EPHB1: variants seen among roughly 807,000 people sequenced by gnomAD.
EPHB1 encodes the protein ephrin type-B receptor 1.
Under a neutral mutation model 94.4 loss-of-function variants are expected in EPHB1, and 30 were observed. The ratio of observed to expected loss-of-function variants is 0.32; its 90% CI spans 0.24 to 0.43. The LOEUF (loss-of-function observed/expected upper bound fraction) is 0.43, where lower values mean the gene tolerates loss of function less well. Ranked by LOEUF, EPHB1 falls within the 20% of genes least tolerant of loss-of-function variation. The pLI is 1.00. For missense variants in EPHB1, 1,055 were observed against 1,308.3 expected, an observed-to-expected ratio of 0.81 and a Z score of 2.99; for synonymous variants, 522 against 489.1, an observed-to-expected ratio of 1.07 and a Z score of -0.89.
At chr3:135,227,083 G>A (rs1010151783) in intron 12 of EPHB1, among the ~76,000 whole-genome samples, 1 of 151,990 alleles carries the variant, frequency 6.6e-6, no homozygotes, top group Non-Finnish European at 1.5e-5. Context: ...CACTATTTGG[G>A]TCCAATATAC....
chr3:134,855,699 A>C (rs772814455), intron 1 of EPHB1, among the ~76,000 whole-genome samples: 4 of 152,068 alleles, frequency 2.6e-5, no homozygotes, highest in Non-Finnish European at 5.9e-5. Context: ...TTTCCTTCCC[A>C]TAGTCCTTCC....
rs1356222856 is a variant in EPHB1, at chr3:135,174,057, C to A, written c.1760-5803C>A. 3.9e-5 allele frequency among the ~76,000 whole-genome samples: 6 copies of A among 152,166 alleles called. No homozygotes were observed. The East Asian group carries it at 5.8e-4, about 15-fold the overall frequency. The stretch of plus-strand genomic sequence containing the variant: ...TCCGGTTGAAAACTGTTATCTTACA[C>A]CTGAATTTGTATTACATAACAACCT... On this transcript the variant is annotated intron_variant, in intron 9 of 15. Transcript: ENST00000398015.
intron 3 of EPHB1, among the ~76,000 whole-genome samples, chr3:135,045,120 C>T (rs1368030512): frequency 6.6e-6 from 1 of 152,102 alleles, no homozygotes; most frequent in African/African-American, 2.4e-5. Flanking sequence ...TTAGAGATGC[C>T]ATTGCCTGTT....
chr3:134,949,256 C>T (rs1252697974), intron 2 of EPHB1, among the ~76,000 whole-genome samples: 1 of 152,142 alleles, frequency 6.6e-6, no homozygotes, highest in Admixed American at 6.5e-5. Flanking sequence ...AGGGAACTGG[C>T]ACTCTAGGAG....
At chr3:135,233,214 G>A (rs1943572466) in intron 12 of EPHB1, among the ~76,000 whole-genome samples, 1 of 152,218 alleles carries the variant, frequency 6.6e-6, no homozygotes, top group African/African-American at 2.4e-5. Flanking sequence ...CTATGAGCCT[G>A]TAAAATCAAA....
chr3:135,190,542 GACATATATACATACATCC>G (rs1942428116), intron 10 of EPHB1, among the ~76,000 whole-genome samples: 2 of 97,134 alleles, frequency 2.1e-5, no homozygotes, highest in African/African-American at 4.0e-5. Context: ...CATATATCTA[GACATATATACATACATCC>G]ACATATACAC....
intron 3 of EPHB1, among the ~76,000 whole-genome samples, chr3:135,030,879 C>T (rs866970231): frequency 2.6e-5 from 4 of 152,210 alleles, no homozygotes; most frequent in Non-Finnish European, 5.9e-5. Context: ...CAGCGAGACT[C>T]CTTGGAGTAG....
chr3:135,179,777 C>T (rs1942102617), intron 9 of EPHB1, 83 bp from the exon 10 acceptor site: 8 of 1,548,610 alleles, frequency 5.2e-6, no homozygotes, highest in Non-Finnish European at 3.5e-6. Flanking sequence ...CCAGGAATGC[C>T]CTTAGTGCTG....
intron 5 of EPHB1, among the ~76,000 whole-genome samples, chr3:135,138,165 C>G (rs996919281): frequency 6.6e-6 from 1 of 152,264 alleles, no homozygotes; most frequent in Non-Finnish European, 1.5e-5. Context: ...CTGCGTGCCA[C>G]TTCCATGTGG....
rs908298859 is a variant in EPHB1 at position 135,260,383 on chromosome 3, T to A, written c.*1263T>A. 4.3e-6 allele frequency: 1 copy of A among 230,754 alleles called. No individual in the cohort carries two copies. The highest frequency in any genetic ancestry group is 8.6e-6 in the Non-Finnish European group (1 of 116,252). The allele number at this position is 230,754 out of a possible 1,614,324, so 14.3% of individuals were successfully genotyped here. On this transcript the variant is annotated 3_prime_UTR_variant, in exon 16 of 16. Transcript: ENST00000398015. The stretch of plus-strand genomic sequence containing the variant: ...AATTCCACCTAACATTTAATTATTT[T>A]AAATTTCTCCTTTTACCTTAATCTC...
intron 1 of EPHB1, among the ~76,000 whole-genome samples, chr3:134,838,664 TAATC>T (rs1002630247): frequency 2.0e-5 from 3 of 152,250 alleles, no homozygotes; most frequent in African/African-American, 7.2e-5. Flanking sequence ...TAGAATATTA[TAATC>T]AATCACGTGT....
intron 4 of EPHB1, among the ~76,000 whole-genome samples, chr3:135,119,333 A>G (rs1385440362): frequency 1.3e-5 from 2 of 152,170 alleles, no homozygotes; most frequent in South Asian, 2.1e-4. Context: ...AAATCTGACC[A>G]TCTTTTTCTT....
chr3:135,210,482 A>G (rs1943008034), intron 12 of EPHB1, among the ~76,000 whole-genome samples: 2 of 152,218 alleles, frequency 1.3e-5, no homozygotes, highest in Admixed American at 1.3e-4. Context: ...AAAGGATAGA[A>G]TGGGAAAAGA....
intron 3 of EPHB1, among the ~76,000 whole-genome samples, chr3:135,069,533 C>T (rs1270878095): frequency 6.6e-6 from 1 of 152,122 alleles, no homozygotes; most frequent in Non-Finnish European, 1.5e-5. Context: ...GATGAATGTG[C>T]TTGCAAGCCG....
intron 3 of EPHB1, among the ~76,000 whole-genome samples, chr3:135,101,768 G>T (rs550626875): frequency 6.6e-6 from 1 of 152,168 alleles, no homozygotes; most frequent in East Asian, 1.9e-4. Context: ...AAGCTAAAAG[G>T]TTAATAAATG....
intron 3 of EPHB1, among the ~76,000 whole-genome samples, chr3:134,975,386 C>T (rs1470054669): frequency 6.6e-6 from 1 of 152,058 alleles, no homozygotes; most frequent in Non-Finnish European, 1.5e-5. Context: ...AGAGAGTGAG[C>T]AAAGTCAAAA....
intron 3 of EPHB1, among the ~76,000 whole-genome samples, chr3:135,097,763 C>T (rs1938858864): frequency 6.6e-6 from 1 of 152,208 alleles, no homozygotes; most frequent in African/African-American, 2.4e-5. Flanking sequence ...GCAGCAGGCC[C>T]AGGGAGGCAA....
chr3:135,016,318 C>A (rs1017912901), intron 3 of EPHB1, among the ~76,000 whole-genome samples: 2 of 152,162 alleles, frequency 1.3e-5, no homozygotes, highest in African/African-American at 4.8e-5. Flanking sequence ...CACCTAGGAT[C>A]TGTGTCAGTG....
chr3:134,949,176 C>T (rs957689869), intron 2 of EPHB1, among the ~76,000 whole-genome samples: 5 of 152,068 alleles, frequency 3.3e-5, no homozygotes, highest in East Asian at 3.9e-4. Context: ...CTGTGTGTCC[C>T]GGAACTGCTG....
Sources: allele counts gnomAD v4.1 joint callset (sites outside exome capture counted in the v4.1 genomes callset), GRCh38; gene constraint gnomAD v4.1.1; transcripts MANE v1.5; gene names NCBI Gene and HGNC (gene_info 2026-07-23, HGNC 2026-07-21).